The following HIPK2 variants were observed in gnomAD, a reference collection of about 807,000 sequenced individuals.
HIPK2 encodes homeodomain interacting protein kinase 2, also known as homeodomain-interacting protein kinase 2.
Under a neutral mutation model 113.7 loss-of-function variants are expected in HIPK2, and 27 were observed. The observed-to-expected ratio is 0.24, with a 90% CI of 0.17 to 0.33. HIPK2 has a LOEUF of 0.33. HIPK2 is among the 10% of genes least tolerant of loss of function. The pLI, the probability that HIPK2 is intolerant of heterozygous loss-of-function variation, is 1.00. For missense variants in HIPK2, 1,257 were observed against 1,588.0 expected, an observed-to-expected ratio of 0.79 and a Z score of 3.54; for synonymous variants, 631 against 642.2, an observed-to-expected ratio of 0.98 and a Z score of 0.26.
intron 2 of HIPK2, among the ~76,000 whole-genome samples, chr7:139,689,284 A>G (rs576593678): frequency 1.4e-4 from 21 of 152,322 alleles, no homozygotes; most frequent in Middle Eastern, 3.4e-3. Context: ...TGGCGTTAAC[A>G]GGGCTGCCTA....
chr7:139,610,127 T>C (rs928071632), intron 9 of HIPK2, among the ~76,000 whole-genome samples: 1 of 152,204 alleles, frequency 6.6e-6, no homozygotes, highest in Non-Finnish European at 1.5e-5. Flanking sequence ...CCTGCTACGA[T>C]TAAAGGACTG....
intron 1 of HIPK2, among the ~76,000 whole-genome samples, chr7:139,753,110 T>A (rs1262836831): frequency 6.6e-6 from 1 of 152,182 alleles, no homozygotes; most frequent in Non-Finnish European, 1.5e-5. Flanking sequence ...ATTCCATTCT[T>A]GGCTGAACCA....
intron 2 of HIPK2, among the ~76,000 whole-genome samples, chr7:139,668,954 C>G (rs926483385): frequency 1.3e-5 from 2 of 152,182 alleles, no homozygotes; most frequent in African/African-American, 4.8e-5. Context: ...TGAAAATAAT[C>G]AAATAACCAT....
intron 2 of HIPK2, among the ~76,000 whole-genome samples, chr7:139,633,153 T>G (rs951404690): frequency 7.4e-5 from 11 of 148,156 alleles, no homozygotes; most frequent in Non-Finnish European, 1.5e-5. Context: ...CTGCTGATAA[T>G]GAAATGCATT....
In HIPK2 at chr7:139,631,521, T is replaced by C. The variant is rs1800617196; in HGVS notation, c.1227+81A>G. On this transcript the variant is annotated intron_variant, in intron 3 of 14. Coordinates refer to ENST00000406875, the MANE Select transcript of HIPK2 (RefSeq NM_022740.5). This position sits in a 1 kb window ranked among gnomAD's most constrained non-coding sequence, Gnocchi z 4.9. ...ATTCCACAGTCCCGCCCATTTGTCA[T>C]GTAATCAATGAAATGCTAATCCAGG... The C allele has an allele frequency of 1.3e-6, 2 of 1,566,736 alleles. No individual in the cohort carries two copies. The highest frequency in any genetic ancestry group is 1.7e-6 in the Non-Finnish European group (2 of 1,155,146).
At chr7:139,731,049 T>C (rs1048800096) in intron 1 of HIPK2, among the ~76,000 whole-genome samples, 1 of 152,232 alleles carries the variant, frequency 6.6e-6, no homozygotes, top group African/African-American at 2.4e-5. Context: ...AGAGAAGACA[T>C]TTCTGTTGTT....
In HIPK2 at chr7:139,613,285, C is replaced by T. The variant is rs772285960; in HGVS notation, c.2029G>A (p.Val677Met). 1 of 1,613,506 alleles carries T rather than the reference C, an allele frequency of 6.2e-7. No homozygotes were observed. Among genetic ancestry groups the T allele is most frequent in the Non-Finnish European group, 8.5e-7 (1 of 1,179,776 alleles). The change falls in exon 9 of 15, where the codon GTG (valine) becomes ATG (methionine). Residue 677 changes from valine to methionine, a missense_variant. This residue lies in a region of HIPK2 where 862 missense variants were observed against 1,004.3 expected (regional missense o/e 0.86). Coordinates refer to ENST00000406875, the MANE Select transcript of HIPK2 (RefSeq NM_022740.5). This position sits in a 1 kb window ranked among gnomAD's most constrained non-coding sequence, Gnocchi z 4.2. ...ATGGGAACTGCATTTTCCATTCGCACCGAGTAGCCAGCGTGCTTAGAGGGA... is the reference window on the plus strand; with the variant it reads ...ATGGGAACTGCATTTTCCATTCGCATCGAGTAGCCAGCGTGCTTAGAGGGA... ...ASPSKHAGYS[V>M]RMENAVPIVT... is the part of the protein sequence containing the mutation.
At chr7:139,735,895 G>GA in intron 1 of HIPK2, among the ~76,000 whole-genome samples, 1 of 152,292 alleles carries the variant, frequency 6.6e-6, no homozygotes, top group Non-Finnish European at 1.5e-5. Flanking sequence ...AGCACAATAT[G>GA]AAAATAAGAT....
At chr7:139,761,715 C>T (rs960808263) in intron 1 of HIPK2, among the ~76,000 whole-genome samples, 1 of 152,064 alleles carries the variant, frequency 6.6e-6, no homozygotes, top group Non-Finnish European at 1.5e-5. Context: ...ATGGTGATTT[C>T]GACAAACCAG....
intron 14 of HIPK2, among the ~76,000 whole-genome samples, chr7:139,573,705 T>C (rs2240640): frequency 0.032 from 4,834 of 152,122 alleles, 176 homozygotes; most frequent in East Asian, 0.11. Context: ...TAGCCGGGCA[T>C]GGTGGCACGT....
Position 139,573,242 on chromosome 7 carries a change from G to A in HIPK2, c.3282C>T (p.Ala1094=), listed in dbSNP as rs750354046. 1 of 1,603,690 alleles carries A rather than the reference G, an allele frequency of 6.2e-7. No homozygotes were observed. Among genetic ancestry groups the A allele is most frequent in the Non-Finnish European group, 8.5e-7 (1 of 1,179,530 alleles). ...AGAGGTGGGGCTGGGTGGGGAGGTG[G>A]GCAGCGGCAGCGGCTGCAGCCAGAT... ...HPHLAAAAAA[A]HLPTQPHLYT... Residue 1094 remains alanine (A), a synonymous_variant, in exon 15 of 15, where the codon GCC becomes GCT. Transcript: ENST00000406875.
chr7:139,685,697 A>G (rs1015558755), intron 2 of HIPK2, among the ~76,000 whole-genome samples: 2 of 152,252 alleles, frequency 1.3e-5, no homozygotes, highest in East Asian at 1.9e-4. Context: ...CCTGTGCTTT[A>G]TAAATGGAAC....
At chr7:139,662,972 C>G (rs12112049) in intron 2 of HIPK2, among the ~76,000 whole-genome samples, 3,921 of 152,228 alleles carry the variant, frequency 0.026, 166 homozygotes, top group African/African-American at 0.089. Flanking sequence ...CTGACACTAT[C>G]CAAGTCCTGT....
chr7:139,572,897 C>CAACCA lies in HIPK2; in HGVS notation c.*29_*30insTGGTT. The CAACCA allele has an allele frequency of 3.5e-6, 2 of 571,116 alleles. No individual in the cohort carries two copies. The highest frequency in any genetic ancestry group is 3.2e-6 in the Non-Finnish European group (1 of 308,982). The allele number at this position is 571,116 out of a possible 1,614,324, so 35.4% of individuals were successfully genotyped here. ...CCTCCTCCCTCGGGCCATTCTCTCC[C>CAACCA]TCCCTCCCTCCCTCCCTCCCCTCCA... is the stretch of plus-strand genomic sequence containing the variant. On this transcript the variant is annotated 3_prime_UTR_variant, in exon 15 of 15. Transcript: ENST00000406875.
intron 2 of HIPK2, among the ~76,000 whole-genome samples, chr7:139,700,596 A>G (rs1794680625): frequency 6.6e-6 from 1 of 152,142 alleles, no homozygotes; most frequent in African/African-American, 2.4e-5. Flanking sequence ...CTGCACGTTT[A>G]CAGTTAACCC....
At position 139,572,605 on chromosome 7, in the gene HIPK2, T is replaced by C. The variant is rs935948322; in HGVS notation, c.*322A>G. 4.0e-6 allele frequency: 1 copy of C among 246,976 alleles called. No homozygotes were observed. The highest frequency in any genetic ancestry group is 7.5e-5 in the East Asian group (1 of 13,372). The allele number at this position is 246,976 out of a possible 1,614,324, so 15.3% of individuals were successfully genotyped here. On this transcript the variant is annotated 3_prime_UTR_variant, in exon 15 of 15. Coordinates refer to ENST00000406875, the MANE Select transcript of HIPK2 (RefSeq NM_022740.5). ...GGTTCTTGAGCTGGGTTTTTTGTTA[T>C]TGACTTTTTTTTTTTCCTTTTTCTT...
rs1798235988 is a variant in HIPK2 at position 139,570,561 on chromosome 7, T to G, written c.*2366A>C. 6.6e-6 allele frequency: 1 copy of G among 152,276 alleles called. No individual in the cohort carries two copies. The highest frequency in any genetic ancestry group is 1.5e-5 in the Non-Finnish European group (1 of 68,068). 9.4% of individuals were successfully genotyped at this position (152,276 alleles called of 1,614,324 possible). On this transcript the variant is annotated 3_prime_UTR_variant, in exon 15 of 15. Transcript: ENST00000406875. ...GGCCTGGACTAAGCTGTTTCCAGTT[T>G]GGGGACCTGTTTCTTTATAAGTAAG...
chr7:139,722,929 T>C (rs1795457368), intron 1 of HIPK2, among the ~76,000 whole-genome samples: 1 of 151,824 alleles, frequency 6.6e-6, no homozygotes, highest in Admixed American at 6.6e-5. Context: ...AGTGGTGCAA[T>C]CATAGCTCAT....
At chr7:139,739,547 G>A (rs576590880) in intron 1 of HIPK2, among the ~76,000 whole-genome samples, 1 of 151,062 alleles carries the variant, frequency 6.6e-6, no homozygotes, top group South Asian at 2.1e-4. Context: ...AGATTGTACT[G>A]CTGCACTCCA....
Sources: allele counts gnomAD v4.1 joint callset (sites outside exome capture counted in the v4.1 genomes callset), GRCh38; gene constraint gnomAD v4.1.1; regional missense constraint gnomAD v4.1.1; non-coding constraint Gnocchi (gnomAD v3.1); transcripts MANE v1.5; gene names NCBI Gene and HGNC (gene_info 2026-07-23, HGNC 2026-07-21).